The following RPH3A variants were observed in gnomAD, a reference collection of about 807,000 sequenced individuals.
The protein encoded by RPH3A is rabphilin 3A, also known as rabphilin-3A.
RPH3A carries 48 observed loss-of-function variants against 102.2 expected under a neutral mutation model. The ratio of observed to expected loss-of-function variants is 0.47; its 90% CI spans 0.37 to 0.60. RPH3A has a LOEUF of 0.60. Among genes scored for constraint, RPH3A ranks in the 20% least tolerant of loss-of-function variants. RPH3A has a pLI of 0.00. For synonymous variants in RPH3A, 310 were observed against 324.3 expected, an observed-to-expected ratio of 0.96 and a Z score of 0.47; for missense variants, 781 against 910.1, an observed-to-expected ratio of 0.86 and a Z score of 1.83.
Position 112,751,066 on chromosome 12 carries a change from C to T in RPH3A, c.-139-41077C>T, listed in dbSNP as rs148009991. Among the ~76,000 whole-genome samples, 142 of 152,340 alleles carry T rather than the reference C, an allele frequency of 9.3e-4. 2 individuals are homozygous for T. The highest frequency in any genetic ancestry group is 8.3e-3 in the South Asian group (40 of 4,828). ...TCACCAGTGAGCTGCTGAATCAAGT[C>T]ATCCTTGACACTTGGCCTTCCTTAG... On this transcript the variant is annotated intron_variant, in intron 1 of 21. Coordinates refer to the RPH3A transcript ENST00000543106.
chr12:112,894,959 T>C (rs1440434235), intron 20 of RPH3A, among the ~76,000 whole-genome samples: 1 of 152,118 alleles, frequency 6.6e-6, no homozygotes, highest in East Asian at 1.9e-4. Flanking sequence ...TCTTGGGTAG[T>C]TGGATTACCG....
At chr12:112,855,859 T>C (rs1015089579) in intron 5 of RPH3A, among the ~76,000 whole-genome samples, 3 of 151,922 alleles carry the variant, frequency 2.0e-5, no homozygotes, top group African/African-American at 7.3e-5. Flanking sequence ...GATTCTGGAA[T>C]TGATGGTGTG....
At chr12:112,646,974 T>C (rs924937842) in intron 1 of RPH3A, among the ~76,000 whole-genome samples, 1 of 152,186 alleles carries the variant, frequency 6.6e-6, no homozygotes, top group Non-Finnish European at 1.5e-5. Flanking sequence ...ACTGCATTAA[T>C]CTTAAAAGCT....
intron 1 of RPH3A, among the ~76,000 whole-genome samples, chr12:112,766,813 C>T (rs895628289): frequency 1.3e-5 from 2 of 152,184 alleles, no homozygotes; most frequent in Non-Finnish European, 2.9e-5. Flanking sequence ...TTTGTTGCTC[C>T]TCCCTATGGA....
chr12:112,725,159 G>A (rs2040578153), intron 1 of RPH3A, among the ~76,000 whole-genome samples: 1 of 142,580 alleles, frequency 7.0e-6, no homozygotes, highest in African/African-American at 2.5e-5. Context: ...TGAGGCGGGA[G>A]AATTGCTTGA....
chr12:112,693,739 C>T (rs1271540892), intron 1 of RPH3A, among the ~76,000 whole-genome samples: 1 of 152,152 alleles, frequency 6.6e-6, no homozygotes, highest in Non-Finnish European at 1.5e-5. Flanking sequence ...CTAGTGATGC[C>T]CCCTGCTCCT....
At chr12:112,747,478 G>A (rs767654064) in intron 1 of RPH3A, among the ~76,000 whole-genome samples, 2 of 152,218 alleles carry the variant, frequency 1.3e-5, no homozygotes, top group Non-Finnish European at 2.9e-5. Context: ...ATCCTAAACA[G>A]ACTAAGACAG....
chr12:112,850,580 G>A (rs1353248031), intron 5 of RPH3A, among the ~76,000 whole-genome samples: 1 of 152,192 alleles, frequency 6.6e-6, no homozygotes, highest in Non-Finnish European at 1.5e-5. Context: ...GGCTGTGGTT[G>A]TTCCACAGCG....
chr12:112,627,485 A>AT (rs1446026124), intron 1 of RPH3A, among the ~76,000 whole-genome samples: 1 of 151,086 alleles, frequency 6.6e-6, no homozygotes, highest in Non-Finnish European at 1.5e-5. Context: ...TATACATTAT[A>AT]TAATACATAG....
intron 1 of RPH3A, among the ~76,000 whole-genome samples, chr12:112,586,057 G>GA (rs1218680795): frequency 1.3e-5 from 2 of 152,038 alleles, no homozygotes; most frequent in Non-Finnish European, 2.9e-5. Context: ...GTAAAAAGAA[G>GA]AAAAAAATCC....
At chr12:112,763,992 G>T (rs1318592638) in intron 1 of RPH3A, among the ~76,000 whole-genome samples, 1 of 152,140 alleles carries the variant, frequency 6.6e-6, no homozygotes, top group East Asian at 1.9e-4. Context: ...GCATTTCCAG[G>T]CTCTCCATCT....
chr12:112,704,240 C>T (rs185675699), intron 1 of RPH3A, among the ~76,000 whole-genome samples: 42 of 152,228 alleles, frequency 2.8e-4, no homozygotes, highest in Non-Finnish European at 5.6e-4. Context: ...AGGCGTAAGC[C>T]GTCACACCTG....
chr12:112,839,342 T>G (rs188419181), intron 4 of RPH3A, among the ~76,000 whole-genome samples: 1 of 152,206 alleles, frequency 6.6e-6, no homozygotes, highest in East Asian at 1.9e-4. Context: ...GAATAATGTA[T>G]CAACTTTCGC....
intron 2 of RPH3A, among the ~76,000 whole-genome samples, chr12:112,796,491 C>G (rs2041232107): frequency 6.6e-6 from 1 of 152,204 alleles, no homozygotes; most frequent in African/African-American, 2.4e-5. Flanking sequence ...TGAAGCTCAA[C>G]TGATTTACTA....
chr12:112,898,690 G>A lies in RPH3A; in HGVS notation c.*1910G>A, dbSNP rs2043226994. The A allele has an allele frequency of 6.6e-6, 1 of 152,304 alleles. No individual in the cohort carries two copies. Among genetic ancestry groups the A allele is most frequent in the African/African-American group, 2.4e-5 (1 of 41,442 alleles). 9.4% of individuals were successfully genotyped at this position (152,304 alleles called of 1,614,324 possible). On this transcript the variant is annotated 3_prime_UTR_variant, in exon 22 of 22. Transcript: ENST00000389385. ...CATGCTGGCTGTGTCGCCCAAGCCT[G>A]ATGCTGGTGTAGGCGCTGGAATCAG...
At chr12:112,662,122 G>A (rs765220482) in intron 1 of RPH3A, among the ~76,000 whole-genome samples, 2 of 152,184 alleles carry the variant, frequency 1.3e-5, no homozygotes, top group Non-Finnish European at 2.9e-5. Flanking sequence ...ATTGAGCAGA[G>A]CAGCTTTGCT....
chr12:112,642,574 T>C (rs1478079490), intron 1 of RPH3A, among the ~76,000 whole-genome samples: 2 of 152,180 alleles, frequency 1.3e-5, no homozygotes, highest in Admixed American at 1.3e-4. Context: ...GGATTCAACC[T>C]TGGGTCTTCC....
At chr12:112,884,487 A>T (rs1034466186) in intron 16 of RPH3A, among the ~76,000 whole-genome samples, 4 of 152,174 alleles carry the variant, frequency 2.6e-5, no homozygotes, top group Non-Finnish European at 4.4e-5. Context: ...TTTTTGTGTA[A>T]ATGTTTACCA....
intron 1 of RPH3A, among the ~76,000 whole-genome samples, chr12:112,640,841 C>T (rs2135991416): frequency 6.6e-6 from 1 of 152,272 alleles, no homozygotes; most frequent in East Asian, 1.9e-4. Flanking sequence ...CTAGATTTTT[C>T]TCTCCTTTCT....
Sources: allele counts gnomAD v4.1 joint callset (sites outside exome capture counted in the v4.1 genomes callset), GRCh38; gene constraint gnomAD v4.1.1; transcripts MANE v1.5; gene names NCBI Gene and HGNC (gene_info 2026-07-23, HGNC 2026-07-21).